NFIA: variants seen among roughly 807,000 people sequenced by gnomAD.
NFIA encodes the protein nuclear factor I A.
NFIA carries 8 observed loss-of-function variants against 62.8 expected under a neutral mutation model. The ratio of observed to expected loss-of-function variants is 0.13; its 90% CI spans 0.07 to 0.23. The LOEUF is 0.23. NFIA is among the 10% of genes least tolerant of loss of function. The probability of loss-of-function intolerance (pLI) is 1.00; values close to 1 mark genes in which losing one functional copy is unlikely to be tolerated. For missense variants in NFIA, 410 were observed against 642.1 expected (o/e 0.64, Z 3.91); for synonymous variants, 235 against 238.1 (o/e 0.99, Z 0.12).
At chr1:61,311,062 T>C (rs1474195841) in intron 3 of NFIA, among the ~76,000 whole-genome samples, 1 of 152,140 alleles carries the variant, frequency 6.6e-6, no homozygotes, top group African/African-American at 2.4e-5. Context: ...ATTTAGTTAG[T>C]ATTGCATCGC....
At chr1:61,251,047 G>T (rs1370014835) in intron 2 of NFIA, 2 of 152,124 alleles carry the variant, frequency 1.3e-5, no homozygotes, top group Non-Finnish European at 2.9e-5. Flanking sequence ...CTCTGTGCTT[G>T]TTCTTTGTTT....
chr1:61,331,677 A>C (rs1661305548), intron 3 of NFIA, among the ~76,000 whole-genome samples: 1 of 152,188 alleles, frequency 6.6e-6, no homozygotes, highest in African/African-American at 2.4e-5. Flanking sequence ...ATAGAATCAG[A>C]AAATTTTAGA....
At chr1:61,080,543 G>T (rs1160794930), upstream of NFIA, among the ~76,000 whole-genome samples, 1 of 152,116 alleles carries the variant, frequency 6.6e-6, no homozygotes, top group African/African-American at 2.4e-5. Context: ...AACTTGGAGC[G>T]CATTGAAGTT....
intron 2 of NFIA, among the ~76,000 whole-genome samples, chr1:61,270,991 CTT>C (rs1657469401): frequency 6.6e-6 from 1 of 152,192 alleles, no homozygotes; most frequent in South Asian, 2.1e-4. Flanking sequence ...GTTTGCCTGT[CTT>C]TTATAATCAC....
chr1:61,157,759 T>G (rs903392344), intron 2 of NFIA, among the ~76,000 whole-genome samples: 1 of 152,172 alleles, frequency 6.6e-6, no homozygotes, highest in African/African-American at 2.4e-5. Context: ...ACCACATAGC[T>G]TCTCTGCTGA....
intron 8 of NFIA, 31 bp from the exon 9 acceptor site, chr1:61,406,531 C>T (rs373357440): frequency 7.1e-5 from 107 of 1,504,664 alleles, no homozygotes; most frequent in East Asian, 1.7e-4. Flanking sequence ...TTTTCTTGTA[C>T]GTGTGTTTTC....
At chr1:61,259,143 G>A (rs1411065551) in intron 2 of NFIA, among the ~76,000 whole-genome samples, 1 of 152,072 alleles carries the variant, frequency 6.6e-6, no homozygotes, top group Non-Finnish European at 1.5e-5. Context: ...TTGTCAATTA[G>A]GATTATTATG....
chr1:61,266,255 TAG>T (rs1322138893), intron 2 of NFIA, among the ~76,000 whole-genome samples: 1 of 152,188 alleles, frequency 6.6e-6, no homozygotes, highest in African/African-American at 2.4e-5. Context: ...CTTCCAGTCA[TAG>T]AGTCTCCTCC....
chr1:61,160,330 G>T, intron 2 of NFIA, among the ~76,000 whole-genome samples: 1 of 152,174 alleles, frequency 6.6e-6, no homozygotes, highest in East Asian at 1.9e-4. Context: ...CCGAGACCTG[G>T]TGAATCAGAA....
intron 2 of NFIA, among the ~76,000 whole-genome samples, chr1:61,129,210 C>T (rs1647031534): frequency 6.6e-6 from 1 of 151,954 alleles, no homozygotes; most frequent in Admixed American, 6.6e-5. Context: ...GTGTGAGCCA[C>T]CGCGCCCGGC....
At chr1:61,094,862 A>G (rs1646383791) in intron 2 of NFIA, among the ~76,000 whole-genome samples, 1 of 152,242 alleles carries the variant, frequency 6.6e-6, no homozygotes, top group African/African-American at 2.4e-5. Context: ...TTAGTGTTCT[A>G]GCTAAATAAA....
At chr1:61,203,384 C>T (rs1652647425) in intron 2 of NFIA, among the ~76,000 whole-genome samples, 1 of 152,130 alleles carries the variant, frequency 6.6e-6, no homozygotes, top group Non-Finnish European at 1.5e-5. Context: ...AGCACGAGTT[C>T]CACGGGATGG....
intron 6 of NFIA, among the ~76,000 whole-genome samples, chr1:61,368,320 T>C (rs1376277695): frequency 2.0e-5 from 3 of 152,178 alleles, no homozygotes; most frequent in African/African-American, 4.8e-5. Context: ...TGGTGTGGCT[T>C]GGGTGGAGCA....
intron 2 of NFIA, among the ~76,000 whole-genome samples, chr1:61,264,174 T>C (rs1033709752): frequency 1.3e-5 from 2 of 152,116 alleles, no homozygotes; most frequent in African/African-American, 4.8e-5. Context: ...AGTCATTCTT[T>C]AGAGTGAGGG....
At chr1:61,133,130 A>G (rs969521439) in intron 2 of NFIA, 2 of 152,142 alleles carry the variant, frequency 1.3e-5, no homozygotes, top group African/African-American at 4.8e-5. Context: ...AAAGACTTTT[A>G]TAGGCATTTT....
At chr1:61,133,229 T>G (rs1217623642) in intron 2 of NFIA, among the ~76,000 whole-genome samples, 1 of 151,672 alleles carries the variant, frequency 6.6e-6, no homozygotes, top group Non-Finnish European at 1.5e-5. Context: ...AGGCTAGCTG[T>G]GTGGAGGAAT....
upstream of NFIA, chr1:61,082,376 C>G (rs1289422527): frequency 1.6e-6 from 1 of 624,848 alleles, no homozygotes; most frequent in Non-Finnish European, 2.0e-6. Flanking sequence ...CACCCCCTCC[C>G]CCCCGCGGCG....
At chr1:61,330,443 C>CACACA (rs1553173862) in intron 3 of NFIA, among the ~76,000 whole-genome samples, 4 of 90,734 alleles carry the variant, frequency 4.4e-5, no homozygotes, top group African/African-American at 1.3e-4. Flanking sequence ...TACACCCCCC[C>CACACA]CACACACACA....
At chr1:61,329,269 A>G (rs535058610) in intron 3 of NFIA, among the ~76,000 whole-genome samples, 1 of 147,184 alleles carries the variant, frequency 6.8e-6, no homozygotes, top group Non-Finnish European at 1.5e-5. Flanking sequence ...GATGGTCTTG[A>G]TTTCCTGACC....
Sources: gnomAD v4.1 joint callset for allele counts (sites outside exome capture counted in the v4.1 genomes callset) on GRCh38, gnomAD v4.1.1 for gene constraint, MANE v1.5 for transcripts, NCBI Gene and HGNC (gene_info 2026-07-23, HGNC 2026-07-21) for gene names.